SYN2: variants seen among roughly 807,000 people sequenced by gnomAD.
SYN2 encodes the protein synapsin II, also known as synapsin-2.
In SYN2, 19 loss-of-function variants were observed where a neutral mutation model predicts 50.9. That is an observed-to-expected ratio of 0.37 (90% confidence interval 0.26 to 0.55). The LOEUF is 0.55. Ranked by LOEUF, SYN2 falls within the 20% of genes least tolerant of loss-of-function variation. The pLI is 0.81. For synonymous variants in SYN2, 255 were observed against 224.9 expected (o/e 1.13, Z -1.20); for missense variants, 587 against 576.4 (o/e 1.02, Z -0.19).
chr3:12,056,834 A>G (rs999660768), intron 1 of SYN2, among the ~76,000 whole-genome samples: 1 of 152,306 alleles, frequency 6.6e-6, no homozygotes, highest in Admixed American at 6.5e-5. Context: ...TCTAGCCTTC[A>G]GTTAGTCACC....
intron 1 of SYN2, among the ~76,000 whole-genome samples, chr3:12,088,289 G>A (rs1183758058): frequency 6.6e-6 from 1 of 152,210 alleles, no homozygotes; most frequent in Admixed American, 6.5e-5. Flanking sequence ...CATATGAATG[G>A]CCAATAGATA....
intron 1 of SYN2, among the ~76,000 whole-genome samples, chr3:12,017,154 G>C (rs758318596): frequency 2.0e-5 from 3 of 152,142 alleles, no homozygotes; most frequent in Non-Finnish European, 4.4e-5. Context: ...TCAGTAATGA[G>C]TAAGATGTGT....
chr3:12,113,377 A>AG (rs71628735), intron 1 of SYN2, among the ~76,000 whole-genome samples: 7,556 of 152,228 alleles, frequency 0.05, 208 homozygotes, highest in Non-Finnish European at 0.066. Flanking sequence ...TTAAAAAAGG[A>AG]GGGGAAAAAA....
chr3:12,094,948 A>C (rs1465821201), intron 1 of SYN2, among the ~76,000 whole-genome samples: 1 of 152,142 alleles, frequency 6.6e-6, no homozygotes, highest in Non-Finnish European at 1.5e-5. Flanking sequence ...CAGAGGAGAG[A>C]TCTGAAACAA....
intron 1 of SYN2, among the ~76,000 whole-genome samples, chr3:12,006,515 C>A (rs1693804077): frequency 6.6e-6 from 1 of 152,172 alleles, no homozygotes; most frequent in Non-Finnish European, 1.5e-5. Context: ...GTACTCTCAG[C>A]ATGATATCTC....
intron 1 of SYN2, among the ~76,000 whole-genome samples, chr3:12,099,039 C>T (rs989745934): frequency 2.6e-5 from 4 of 151,764 alleles, no homozygotes; most frequent in African/African-American, 7.3e-5. Flanking sequence ...ATATACGCAC[C>T]TAATAACAGA....
intron 1 of SYN2, among the ~76,000 whole-genome samples, chr3:12,056,284 A>C (rs1400849564): frequency 2.0e-5 from 3 of 152,018 alleles, no homozygotes; most frequent in Middle Eastern, 6.8e-3. Context: ...CTTTGCGGGG[A>C]AGGAGGGGGT....
At chr3:12,176,664 C>A (rs936090860) in intron 10 of SYN2, among the ~76,000 whole-genome samples, 2 of 152,190 alleles carry the variant, frequency 1.3e-5, no homozygotes, top group African/African-American at 4.8e-5. Context: ...TAACTCCGAT[C>A]AGAATGTGCT....
chr3:12,171,750 T>C (rs1034684431), intron 10 of SYN2, among the ~76,000 whole-genome samples: 7 of 152,170 alleles, frequency 4.6e-5, no homozygotes, highest in African/African-American at 1.7e-4. Flanking sequence ...TGTGTAAAGT[T>C]AAAGGTTGAA....
At chr3:12,082,625 C>T (rs1378190858) in intron 1 of SYN2, among the ~76,000 whole-genome samples, 2 of 152,206 alleles carry the variant, frequency 1.3e-5, no homozygotes, top group Non-Finnish European at 2.9e-5. Flanking sequence ...AAGGCATTTA[C>T]AAATAAATTG....
At chr3:12,081,455 C>T (rs1462011069) in intron 1 of SYN2, among the ~76,000 whole-genome samples, 1 of 151,864 alleles carries the variant, frequency 6.6e-6, no homozygotes, top group Non-Finnish European at 1.5e-5. Flanking sequence ...GATATTTGAG[C>T]TTTTAGCTCC....
rs770411119 is a variant in SYN2 at position 12,190,613 on chromosome 3, C to T, written c.1737C>T (p.Leu579=). Residue 579 remains leucine (L), a synonymous_variant, in exon 13 of 13, where the codon CTC becomes CTT. Transcript: ENST00000621198. ...GCTTGAGGAAGTCCTTTGCCAGCCTCTTTTCAGATTAGCTCTTCAGACACA... is the reference window on the plus strand; with the variant it reads ...GCTTGAGGAAGTCCTTTGCCAGCCTTTTTTCAGATTAGCTCTTCAGACACA... ...IRSLRKSFAS[L]FSD is the part of the protein sequence containing the mutation. 3 of 1,613,280 alleles carry T rather than the reference C, an allele frequency of 1.9e-6. No individual in the cohort carries two copies. The highest frequency in any genetic ancestry group is 1.7e-6 in the Non-Finnish European group (2 of 1,179,662).
intron 11 of SYN2, chr3:12,184,384 G>A (rs968972554): frequency 2.0e-6 from 2 of 985,786 alleles, no homozygotes; most frequent in African/African-American, 3.5e-5. Flanking sequence ...TGTGTACAGA[G>A]ATAATTCCTT....
At position 12,183,254 on chromosome 3, in the gene SYN2, T is replaced by C. The variant is rs972813581; in HGVS notation, c.1309-58T>C. ...CCTTGCCATGGAGCCACGTGGTTTCTCTTTGGAATTCAGTGGCTTGGAGTT... is the reference window on the plus strand; with the variant it reads ...CCTTGCCATGGAGCCACGTGGTTTCCCTTTGGAATTCAGTGGCTTGGAGTT... On this transcript the variant is annotated intron_variant, in intron 10 of 12. Transcript: ENST00000621198. The C allele has an allele frequency of 7.0e-6, 11 of 1,565,526 alleles. No homozygotes were observed. The African/African-American group carries it at 8.3e-5, about 12-fold the overall frequency.
chr3:12,158,627 C>G (rs1697533307), intron 5 of SYN2: 8 of 1,581,800 alleles, frequency 5.1e-6, no homozygotes, highest in Admixed American at 1.7e-5. Flanking sequence ...CCTCTGGACT[C>G]CTGGTGTACT....
At chr3:12,109,492 T>C (rs1446960031) in intron 1 of SYN2, among the ~76,000 whole-genome samples, 1 of 152,226 alleles carries the variant, frequency 6.6e-6, no homozygotes, top group Non-Finnish European at 1.5e-5. Flanking sequence ...ATACTAGTTA[T>C]GTAGTATCAG....
intron 3 of SYN2, among the ~76,000 whole-genome samples, chr3:12,144,652 T>A (rs1311155162): frequency 6.6e-6 from 1 of 152,174 alleles, no homozygotes; most frequent in African/African-American, 2.4e-5. Context: ...TATTTGTACC[T>A]TAGAAAAAGG....
intron 1 of SYN2, among the ~76,000 whole-genome samples, chr3:12,118,835 AAAG>A (rs1172892885): frequency 2.0e-5 from 3 of 152,142 alleles, no homozygotes; most frequent in Non-Finnish European, 2.9e-5. Flanking sequence ...CAAAAAAACA[AAAG>A]AAGTGAAAGG....
At position 12,004,902 on chromosome 3, in the gene SYN2, G is replaced by A. The variant is rs1277684202; in HGVS notation, c.351G>A (p.Leu117=). 6 of 581,748 alleles carry A rather than the reference G, an allele frequency of 1.0e-5. No individual in the cohort carries two copies. Among genetic ancestry groups the A allele is most frequent in the Non-Finnish European group, 1.8e-5 (6 of 325,416 alleles). 36.0% of individuals were successfully genotyped at this position (581,748 alleles called of 1,614,324 possible). Residue 117 remains leucine, a synonymous_variant, in exon 1 of 13, where the codon CTG becomes CTA. Transcript: ENST00000621198. ...PAAARKAKVL[L]VVDEPHADWA... is the part of the protein sequence containing the mutation. Reference sequence around the variant, plus strand: ...CCGCCAGGAAGGCCAAGGTGCTGCTGGTGGTCGACGAGCCGCACGCCGACT... The same window carrying A: ...CCGCCAGGAAGGCCAAGGTGCTGCTAGTGGTCGACGAGCCGCACGCCGACT...
Sources: allele counts gnomAD v4.1 joint callset (sites outside exome capture counted in the v4.1 genomes callset), GRCh38; gene constraint gnomAD v4.1.1; transcripts MANE v1.5; gene names NCBI Gene and HGNC (gene_info 2026-07-23, HGNC 2026-07-21).